NEGR1: variants seen among roughly 807,000 people sequenced by gnomAD.
NEGR1 encodes the protein IgLON family member 4.
A neutral mutation model predicts 40.9 loss-of-function variants in NEGR1; 10 were observed. The ratio of observed to expected loss-of-function variants is 0.24; its 90% CI spans 0.15 to 0.42. The LOEUF (loss-of-function observed/expected upper bound fraction) is 0.42. NEGR1 is among the 10% of genes least tolerant of loss of function. The probability of loss-of-function intolerance (pLI) is 1.00; values close to 1 mark genes in which losing one functional copy is unlikely to be tolerated. For synonymous variants in NEGR1, 185 were observed against 166.8 expected (o/e 1.11, Z -0.84); for missense variants, 352 against 438.9 (o/e 0.80, Z 1.77).
intron 2 of NEGR1, among the ~76,000 whole-genome samples, chr1:71,868,344 T>C (rs1465267732): frequency 2.0e-5 from 3 of 152,106 alleles, no homozygotes; most frequent in Non-Finnish European, 4.4e-5. Flanking sequence ...CATTCCAATG[T>C]CTTCTAACAC....
chr1:71,901,523 GGGTGTAGGTAATT>G (rs1329885806), intron 2 of NEGR1, among the ~76,000 whole-genome samples: 1 of 151,960 alleles, frequency 6.6e-6, no homozygotes, highest in African/African-American at 2.4e-5. Context: ...CATTGATCTA[GGGTGTAGGTAATT>G]GGCTTAGAGA....
At chr1:71,432,831 A>T (rs886393104) in intron 6 of NEGR1, among the ~76,000 whole-genome samples, 23 of 152,224 alleles carry the variant, frequency 1.5e-4, no homozygotes, top group African/African-American at 5.1e-4. Context: ...TTGAGCAGAT[A>T]TATAAGCTCC....
chr1:71,861,666 A>G (rs1361261153), intron 2 of NEGR1, among the ~76,000 whole-genome samples: 1 of 152,108 alleles, frequency 6.6e-6, no homozygotes, highest in African/African-American at 2.4e-5. Context: ...TTATAAATAA[A>G]CTGATTATTC....
chr1:71,902,991 T>C (rs181858726), intron 2 of NEGR1, among the ~76,000 whole-genome samples: 241 of 152,180 alleles, frequency 1.6e-3, no homozygotes, highest in African/African-American at 5.7e-3. Context: ...CAATGATTTA[T>C]TGAAATGCTA....
At chr1:71,986,907 G>A (rs1157004553) in intron 1 of NEGR1, among the ~76,000 whole-genome samples, 1 of 152,148 alleles carries the variant, frequency 6.6e-6, no homozygotes, top group Non-Finnish European at 1.5e-5. Flanking sequence ...TTGCAGCAGG[G>A]AACTGTAGAA....
intron 1 of NEGR1, among the ~76,000 whole-genome samples, chr1:72,194,117 C>G (rs1199357180): frequency 6.6e-6 from 1 of 151,666 alleles, no homozygotes. Context: ...GAAAATTAAA[C>G]AATTGAATTT....
intron 6 of NEGR1, among the ~76,000 whole-genome samples, chr1:71,415,984 C>T (rs369929842): frequency 2.0e-5 from 3 of 151,978 alleles, no homozygotes; most frequent in South Asian, 2.1e-4. Flanking sequence ...GCACAAAATA[C>T]GATACACATT....
At chr1:71,895,345 T>G (rs1660940134) in intron 2 of NEGR1, among the ~76,000 whole-genome samples, 1 of 152,192 alleles carries the variant, frequency 6.6e-6, no homozygotes, top group African/African-American at 2.4e-5. Context: ...CCACAAAATT[T>G]ACCATTTTGT....
intron 1 of NEGR1, among the ~76,000 whole-genome samples, chr1:72,202,650 C>T (rs1653257767): frequency 6.6e-6 from 1 of 151,982 alleles, no homozygotes; most frequent in African/African-American, 2.4e-5. Flanking sequence ...AGAGCAAGGG[C>T]TTATCTCTTC....
At chr1:71,618,326 T>C (rs1650508442) in intron 4 of NEGR1, among the ~76,000 whole-genome samples, 1 of 152,166 alleles carries the variant, frequency 6.6e-6, no homozygotes, top group South Asian at 2.1e-4. Context: ...TTACTTGAGA[T>C]TACAAATGAC....
chr1:72,232,480 G>C (rs1654399054), intron 1 of NEGR1, among the ~76,000 whole-genome samples: 1 of 152,078 alleles, frequency 6.6e-6, no homozygotes, highest in Admixed American at 6.6e-5. Context: ...AGGTTAGATA[G>C]AAAAATATCC....
intron 6 of NEGR1, among the ~76,000 whole-genome samples, chr1:71,585,773 A>G (rs1649287112): frequency 6.6e-6 from 1 of 151,420 alleles, no homozygotes; most frequent in Admixed American, 6.6e-5. Context: ...AATAAAAAGG[A>G]CAATATCATA....
At chr1:72,017,299 C>T (rs140860784) in intron 1 of NEGR1, among the ~76,000 whole-genome samples, 18 of 152,008 alleles carry the variant, frequency 1.2e-4, no homozygotes, top group African/African-American at 3.1e-4. Flanking sequence ...TAAGAGTAGG[C>T]GCTAGATTCA....
intron 2 of NEGR1, among the ~76,000 whole-genome samples, chr1:71,856,131 G>A (rs1215656997): frequency 6.6e-6 from 1 of 151,968 alleles, no homozygotes; most frequent in Non-Finnish European, 1.5e-5. Flanking sequence ...AAAATATGGA[G>A]GCCAAAATAA....
At chr1:71,569,792 C>A (rs1648751046) in intron 6 of NEGR1, among the ~76,000 whole-genome samples, 1 of 152,136 alleles carries the variant, frequency 6.6e-6, no homozygotes, top group African/African-American at 2.4e-5. Flanking sequence ...TTGAGGGATT[C>A]TCTTCCTTGC....
At chr1:71,927,818 TAAAAAAAAAAAAAA>T (rs35429988) in intron 2 of NEGR1, among the ~76,000 whole-genome samples, 10 of 22,448 alleles carry the variant, frequency 4.5e-4, no homozygotes, top group East Asian at 2.0e-3. Context: ...ACCCAATCTC[TAAAAAAAAAAAAAA>T]AAAAAAAAAA....
At chr1:72,002,833 C>T (rs1646569609) in intron 1 of NEGR1, among the ~76,000 whole-genome samples, 1 of 152,068 alleles carries the variant, frequency 6.6e-6, no homozygotes, top group South Asian at 2.1e-4. Context: ...CTCATGGATT[C>T]CTTAAATCAA....
At chr1:72,098,629 C>A (rs1648805313) in intron 1 of NEGR1, among the ~76,000 whole-genome samples, 1 of 152,112 alleles carries the variant, frequency 6.6e-6, no homozygotes, top group Non-Finnish European at 1.5e-5. Context: ...ACAGTAAAAT[C>A]TCTAAATACT....
At chr1:71,953,594 G>T (rs2554410) in intron 1 of NEGR1, among the ~76,000 whole-genome samples, 1 of 151,888 alleles carries the variant, frequency 6.6e-6, no homozygotes, top group African/African-American at 2.4e-5. Flanking sequence ...TGGGTATGAC[G>T]CTATCAAAAA....
Sources: gnomAD v4.1 joint callset for allele counts (sites outside exome capture counted in the v4.1 genomes callset) on GRCh38, gnomAD v4.1.1 for gene constraint, MANE v1.5 for transcripts, NCBI Gene and HGNC (gene_info 2026-07-23, HGNC 2026-07-21) for gene names.